The following SORCS2 variants were observed in gnomAD, a reference collection of about 807,000 sequenced individuals.
The protein encoded by SORCS2 is VPS10 domain-containing receptor SorCS2.
In SORCS2, 100 loss-of-function variants were observed where a neutral mutation model predicts 141.6. The observed-to-expected ratio is 0.71, with a 90% confidence interval of 0.60 to 0.83. SORCS2 has a LOEUF of 0.83. Among genes scored for constraint, SORCS2 ranks in the 40% least tolerant of loss-of-function variants. The probability of loss-of-function intolerance (pLI) is 0.00; values close to 1 mark genes in which losing one functional copy is unlikely to be tolerated. For missense variants in SORCS2, 1,646 were observed against 1,560.2 expected, an observed-to-expected ratio of 1.05 and a Z score of -0.93; for synonymous variants, 789 against 676.9, an observed-to-expected ratio of 1.17 and a Z score of -2.57.
intron 8 of SORCS2, 63 bp from the exon 9 acceptor site, chr4:7,675,987 T>G (rs1020509540): frequency 3.9e-6 from 6 of 1,529,358 alleles, no homozygotes; most frequent in Non-Finnish European, 5.3e-6. Context: ...GCAGCCTGCT[T>G]CTTCCTCCCT....
At chr4:7,708,945 C>G (rs1444980589) in intron 14 of SORCS2, among the ~76,000 whole-genome samples, 1 of 152,190 alleles carries the variant, frequency 6.6e-6, no homozygotes, top group African/African-American at 2.4e-5. Context: ...CCTGCTCTGG[C>G]CAGGCCCTGG....
intron 1 of SORCS2, among the ~76,000 whole-genome samples, chr4:7,273,643 G>C (rs1715284560): frequency 6.6e-6 from 1 of 152,220 alleles, no homozygotes; most frequent in African/African-American, 2.4e-5. Flanking sequence ...AAAGGAATGG[G>C]GCTGGCTAGG....
At chr4:7,695,922 G>T (rs375312091) in intron 11 of SORCS2, among the ~76,000 whole-genome samples, 1 of 93,518 alleles carries the variant, frequency 1.1e-5, no homozygotes, top group Admixed American at 1.1e-4. Context: ...ATGGATGGAT[G>T]GATTGGTGGG....
intron 3 of SORCS2, among the ~76,000 whole-genome samples, chr4:7,573,494 T>C (rs1178838825): frequency 6.6e-6 from 1 of 152,194 alleles, no homozygotes; most frequent in East Asian, 1.9e-4. Flanking sequence ...TTTCTTGGTG[T>C]GTTCTGATTT....
At chr4:7,420,292 G>A (rs1037302780) in intron 2 of SORCS2, among the ~76,000 whole-genome samples, 8 of 152,204 alleles carry the variant, frequency 5.3e-5, no homozygotes, top group Admixed American at 5.2e-4. Flanking sequence ...TCCCATCTAG[G>A]GCTCTCTGGG....
At position 7,436,521 on chromosome 4, in the gene SORCS2, G is replaced by C. The variant is rs75024895; in HGVS notation, c.548+40166G>C. On this transcript the variant is annotated intron_variant, in intron 2 of 26. Coordinates refer to ENST00000507866, the MANE Select transcript of SORCS2 (RefSeq NM_020777.3). Reference sequence around the variant, plus strand: ...TCTTGCACTGAGGGGGTGCGACCCAGGAGGCCAGAATGTCCTCCTCATCCT... The same window carrying C: ...TCTTGCACTGAGGGGGTGCGACCCACGAGGCCAGAATGTCCTCCTCATCCT... Among the ~76,000 whole-genome samples the C allele has an allele frequency of 9.3e-3, 1,424 of 152,348 alleles. 6 individuals carry two copies. Among genetic ancestry groups the C allele is most frequent in the Non-Finnish European group, 0.016 (1,068 of 68,034 alleles).
intron 1 of SORCS2, chr4:7,381,983 A>T (rs547195343): frequency 1.0e-6 from 1 of 985,728 alleles, no homozygotes; most frequent in East Asian, 1.1e-4. Context: ...TCTCCAGAGG[A>T]AACAGGCAGG....
At chr4:7,545,164 G>A (rs1187651856) in intron 3 of SORCS2, among the ~76,000 whole-genome samples, 1 of 149,816 alleles carries the variant, frequency 6.7e-6, no homozygotes, top group Admixed American at 6.6e-5. Context: ...AAAAACTCGA[G>A]CTTTTCAGAA....
At chr4:7,295,500 G>T (rs1246563187) in intron 1 of SORCS2, among the ~76,000 whole-genome samples, 1 of 152,108 alleles carries the variant, frequency 6.6e-6, no homozygotes, top group Non-Finnish European at 1.5e-5. Context: ...CCTGGCCGTT[G>T]GCTCGAGCCG....
At chr4:7,592,678 C>A (rs544841645) in intron 3 of SORCS2, among the ~76,000 whole-genome samples, 2 of 152,204 alleles carry the variant, frequency 1.3e-5, no homozygotes, top group Non-Finnish European at 2.9e-5. Context: ...AGGGCTGTGC[C>A]AACCCACTAT....
At chr4:7,470,883 A>G (rs1222568296) in intron 2 of SORCS2, among the ~76,000 whole-genome samples, 5 of 152,200 alleles carry the variant, frequency 3.3e-5, no homozygotes, top group Admixed American at 3.3e-4. Context: ...GGTTCTCTGC[A>G]AACATCTCAC....
At chr4:7,311,200 C>T (rs1243778728) in intron 1 of SORCS2, among the ~76,000 whole-genome samples, 1 of 152,158 alleles carries the variant, frequency 6.6e-6, no homozygotes, top group African/African-American at 2.4e-5. Flanking sequence ...TGTCTGGCCT[C>T]CTCTACTCAG....
At position 7,362,638 on chromosome 4, in the gene SORCS2, G is replaced by T. The variant is rs148924276; in HGVS notation, c.481-33650G>T. On this transcript the variant is annotated intron_variant, in intron 1 of 26. Transcript: ENST00000507866. ...TTCCAGGGGGAACCTGACCAGGGAGGCTGACTTTGCCTGTGGCAGGGTGAG... is the reference window on the plus strand; with the variant it reads ...TTCCAGGGGGAACCTGACCAGGGAGTCTGACTTTGCCTGTGGCAGGGTGAG... Among the ~76,000 whole-genome samples the T allele has an allele frequency of 3.1e-3, 477 of 152,140 alleles. 3 individuals are homozygous for T. Among genetic ancestry groups the T allele is most frequent in the African/African-American group, 0.011 (453 of 41,488 alleles).
chr4:7,295,596 C>A (rs1385154242), intron 1 of SORCS2, among the ~76,000 whole-genome samples: 4 of 152,216 alleles, frequency 2.6e-5, no homozygotes, highest in Non-Finnish European at 4.4e-5. Flanking sequence ...GGACTCCAGC[C>A]TCACGTCCAT....
rs961977121 is a variant in SORCS2 at position 7,249,084 on chromosome 4, A to T, written c.480+55958A>T. Among the ~76,000 whole-genome samples the T allele has an allele frequency of 2.0e-5, 3 of 152,244 alleles. No individual in the cohort carries two copies. The East Asian group carries it at 5.8e-4, about 29-fold the overall frequency. ...AAACAGCCCCAAATCTCAGTGGCTT[A>T]AAAGAATCATATTCTATTATCTCAT... On this transcript the variant is annotated intron_variant, in intron 1 of 26. Transcript: ENST00000507866.
At chr4:7,457,500 C>A (rs1728991168) in intron 2 of SORCS2, among the ~76,000 whole-genome samples, 1 of 151,824 alleles carries the variant, frequency 6.6e-6, no homozygotes, top group Admixed American at 6.6e-5. Context: ...CAGGTGTGAG[C>A]CGCAGCCAGA....
intron 1 of SORCS2, among the ~76,000 whole-genome samples, chr4:7,389,531 G>T (rs912618926): frequency 1.3e-5 from 2 of 152,182 alleles, no homozygotes; most frequent in Admixed American, 1.3e-4. Flanking sequence ...TTCTGAGTCA[G>T]CCTGCTGCTG....
intron 1 of SORCS2, among the ~76,000 whole-genome samples, chr4:7,197,995 G>T: frequency 6.6e-6 from 1 of 152,216 alleles, no homozygotes; most frequent in Non-Finnish European, 1.5e-5. Context: ...TCAGAGCCTG[G>T]CCCACAGCAG....
At chr4:7,541,244 G>A (rs992801947) in intron 3 of SORCS2, among the ~76,000 whole-genome samples, 2 of 151,966 alleles carry the variant, frequency 1.3e-5, no homozygotes, top group Non-Finnish European at 2.9e-5. Flanking sequence ...GGGTGTGGGC[G>A]CCATTGTGGC....
Sources: gnomAD v4.1 joint callset for allele counts (sites outside exome capture counted in the v4.1 genomes callset) on GRCh38, gnomAD v4.1.1 for gene constraint, MANE v1.5 for transcripts, NCBI Gene and HGNC (gene_info 2026-07-23, HGNC 2026-07-21) for gene names.